CDH18: variants seen among roughly 807,000 people sequenced by gnomAD.
CDH18 encodes the protein cadherin 18.
A neutral mutation model predicts 67.9 loss-of-function variants in CDH18; 31 were observed. The observed-to-expected ratio is 0.46, with a 90% CI of 0.34 to 0.62. CDH18 has a LOEUF of 0.62. Among genes scored for constraint, CDH18 ranks in the 20% least tolerant of loss-of-function variants. The pLI is 0.01. For synonymous variants in CDH18, 362 were observed against 347.2 expected, an observed-to-expected ratio of 1.04 and a Z score of -0.48; for missense variants, 890 against 975.5, an observed-to-expected ratio of 0.91 and a Z score of 1.17.
intron 1 of CDH18, among the ~76,000 whole-genome samples, chr5:20,442,893 ATAC>A: frequency 1.3e-5 from 2 of 151,914 alleles, no homozygotes. Context: ...AGCAACTCAG[ATAC>A]TACTTCACAA....
chr5:20,568,760 T>C (rs968375423), intron 1 of CDH18, among the ~76,000 whole-genome samples: 6 of 152,160 alleles, frequency 3.9e-5, no homozygotes, highest in African/African-American at 1.4e-4. Context: ...GTCGTCTTAT[T>C]TATGCTTCGT....
chr5:19,611,949 CGTGTGTGT>C (rs3062879), intron 6 of CDH18, among the ~76,000 whole-genome samples: 5 of 139,112 alleles, frequency 3.6e-5, no homozygotes, highest in Non-Finnish European at 6.3e-5. Flanking sequence ...TTGGATGATG[CGTGTGTGT>C]GTGTGTGTGT....
At chr5:19,505,543 G>A (rs921214879) in intron 10 of CDH18, among the ~76,000 whole-genome samples, 2 of 152,006 alleles carry the variant, frequency 1.3e-5, no homozygotes, top group Non-Finnish European at 2.9e-5. Context: ...GTTGAATTTT[G>A]TAAAAGTCCT....
intron 1 of CDH18, among the ~76,000 whole-genome samples, chr5:20,334,426 C>A (rs939069748): frequency 6.6e-6 from 1 of 151,962 alleles, no homozygotes; most frequent in East Asian, 1.9e-4. Flanking sequence ...CGTGAGCCAC[C>A]GCGCCCGGCC....
At chr5:19,515,992 A>T (rs1039994845) in intron 10 of CDH18, among the ~76,000 whole-genome samples, 2 of 152,294 alleles carry the variant, frequency 1.3e-5, no homozygotes, top group African/African-American at 4.8e-5. Flanking sequence ...GGTTTGTCAT[A>T]CAAAGCTCTT....
chr5:20,095,427 G>GAAAGAAAGAA (rs1554089647), intron 2 of CDH18, among the ~76,000 whole-genome samples: 2 of 122,850 alleles, frequency 1.6e-5, no homozygotes, highest in African/African-American at 6.1e-5. Context: ...AAGAAAGAAA[G>GAAAGAAAGAA]AAAGAAAGAA....
rs183559370 is a variant in CDH18 at position 20,390,410 on chromosome 5, A to G, written c.-579-134905T>C. The stretch of plus-strand genomic sequence containing the variant: ...AAATGCTCATCATCACTGGCCATCA[A>G]AGAAATGCAAATCAAAAACACAATG... On this transcript the variant is annotated intron_variant, in intron 1 of 14. Coordinates refer to the CDH18 transcript ENST00000507958. Among the ~76,000 whole-genome samples the G allele has an allele frequency of 7.2e-4, 110 of 152,250 alleles. 2 individuals are homozygous for G. The highest frequency in any genetic ancestry group is 4.4e-4 in the Non-Finnish European group (30 of 68,008).
At chr5:20,368,223 T>C (rs1301593817) in intron 1 of CDH18, among the ~76,000 whole-genome samples, 4 of 152,192 alleles carry the variant, frequency 2.6e-5, no homozygotes, top group Non-Finnish European at 4.4e-5. Flanking sequence ...CAAAATAATT[T>C]TGTGTCCTCA....
At chr5:19,970,328 CTTTATA>C (rs1349593086) in intron 2 of CDH18, among the ~76,000 whole-genome samples, 3 of 151,454 alleles carry the variant, frequency 2.0e-5, no homozygotes, top group East Asian at 1.9e-4. Flanking sequence ...GTACAGTCAT[CTTTATA>C]TTTATAATTT....
chr5:20,062,659 C>T (rs1356463358), intron 2 of CDH18, among the ~76,000 whole-genome samples: 1 of 152,000 alleles, frequency 6.6e-6, no homozygotes, highest in African/African-American at 2.4e-5. Context: ...ACCAAATGAG[C>T]CTTTACTGAC....
At chr5:20,248,952 T>A (rs1478857696) in intron 2 of CDH18, among the ~76,000 whole-genome samples, 1 of 152,194 alleles carries the variant, frequency 6.6e-6, no homozygotes, top group Non-Finnish European at 1.5e-5. Flanking sequence ...GCCTATTACA[T>A]ATTGCAGTGT....
chr5:19,578,774 T>G (rs932128753), intron 7 of CDH18, among the ~76,000 whole-genome samples: 1 of 152,086 alleles, frequency 6.6e-6, no homozygotes, highest in African/African-American at 2.4e-5. Context: ...ATAGTTTTTT[T>G]CCTAGAAATT....
At chr5:20,080,258 G>A (rs1283684551) in intron 2 of CDH18, among the ~76,000 whole-genome samples, 2 of 151,394 alleles carry the variant, frequency 1.3e-5, no homozygotes, top group Non-Finnish European at 2.9e-5. Flanking sequence ...TATTACATTG[G>A]CCTTCCTTGA....
At chr5:20,010,791 C>G (rs542518686) in intron 2 of CDH18, among the ~76,000 whole-genome samples, 1 of 152,074 alleles carries the variant, frequency 6.6e-6, no homozygotes, top group Non-Finnish European at 1.5e-5. Flanking sequence ...TTGTTTTTTA[C>G]TGAGTACTCA....
At chr5:20,322,458 G>C (rs1404523115) in intron 1 of CDH18, among the ~76,000 whole-genome samples, 2 of 151,856 alleles carry the variant, frequency 1.3e-5, no homozygotes, top group African/African-American at 2.4e-5. Context: ...TGTCAGCCCT[G>C]CATCTTAGTA....
intron 1 of CDH18, among the ~76,000 whole-genome samples, chr5:20,377,649 C>G (rs183580538): frequency 6.6e-6 from 1 of 152,054 alleles, no homozygotes; most frequent in African/African-American, 2.4e-5. Context: ...GACAAGATGA[C>G]GCATCTAGCA....
chr5:19,575,518 T>A (rs1742174354), intron 7 of CDH18, among the ~76,000 whole-genome samples: 1 of 152,224 alleles, frequency 6.6e-6, no homozygotes, highest in South Asian at 2.1e-4. Context: ...ATTATTTGTC[T>A]ATCCCTCAAC....
At chr5:19,875,411 G>GATAC (rs1367625550) in intron 2 of CDH18, among the ~76,000 whole-genome samples, 10 of 147,776 alleles carry the variant, frequency 6.8e-5, no homozygotes, top group Non-Finnish European at 1.3e-4. Context: ...TAGATAGATA[G>GATAC]ATAGATAGAT....
intron 1 of CDH18, among the ~76,000 whole-genome samples, chr5:20,330,523 G>A (rs1401152555): frequency 1.3e-5 from 2 of 152,126 alleles, no homozygotes; most frequent in African/African-American, 2.4e-5. Context: ...GGAGTTAGGC[G>A]AGTGGGCTCA....
Sources: allele counts gnomAD v4.1 joint callset (sites outside exome capture counted in the v4.1 genomes callset), GRCh38; gene constraint gnomAD v4.1.1; transcripts MANE v1.5; gene names NCBI Gene and HGNC (gene_info 2026-07-23, HGNC 2026-07-21).